ZNF536: variants seen among roughly 807,000 people sequenced by gnomAD.
ZNF536 encodes the protein zinc finger protein 536.
Under a neutral mutation model 84.5 loss-of-function variants are expected in ZNF536, and 13 were observed. The observed-to-expected ratio is 0.15, with a 90% CI of 0.10 to 0.24. ZNF536 has a LOEUF of 0.24. ZNF536 is among the 10% of genes least tolerant of loss of function. The pLI is 1.00. For missense variants in ZNF536, 1,536 were observed against 1,747.5 expected (o/e 0.88, Z 2.16); for synonymous variants, 811 against 742.5 (o/e 1.09, Z -1.50).
intron 2 of ZNF536, among the ~76,000 whole-genome samples, chr19:30,483,813 C>A (rs1235370428): frequency 1.3e-5 from 2 of 152,112 alleles, no homozygotes; most frequent in African/African-American, 2.4e-5. Flanking sequence ...CTCATGAGAA[C>A]CTTCAGGGTC....
At chr19:30,367,079 A>G (rs2048459007) in intron 3 of ZNF536, among the ~76,000 whole-genome samples, 1 of 152,230 alleles carries the variant, frequency 6.6e-6, no homozygotes, top group Admixed American at 6.5e-5. Flanking sequence ...TTTGGTTTCA[A>G]CTTCGACAAG....
At chr19:30,376,798 A>T (rs2048835619) in intron 1 of ZNF536, among the ~76,000 whole-genome samples, 1 of 152,096 alleles carries the variant, frequency 6.6e-6, no homozygotes, top group Non-Finnish European at 1.5e-5. Flanking sequence ...GACTCCCTTG[A>T]CTGCCGCCTG....
intron 1 of ZNF536, among the ~76,000 whole-genome samples, chr19:30,683,715 G>A (rs900791770): frequency 4.6e-5 from 7 of 152,154 alleles, no homozygotes; most frequent in African/African-American, 9.7e-5. Flanking sequence ...CCAAAGAAGC[G>A]TGTGGCCACA....
At chr19:30,609,722 C>T (rs1413236638) in intron 1 of ZNF536, among the ~76,000 whole-genome samples, 4 of 152,076 alleles carry the variant, frequency 2.6e-5, no homozygotes, top group Non-Finnish European at 5.9e-5. Flanking sequence ...ATTCATCCAT[C>T]CATCCATCCA....
At chr19:30,481,529 A>G (rs1599530203) in intron 2 of ZNF536, among the ~76,000 whole-genome samples, 2 of 152,326 alleles carry the variant, frequency 1.3e-5, no homozygotes, top group East Asian at 3.9e-4. Flanking sequence ...AAAATTTAGG[A>G]TACACATTGG....
intron 2 of ZNF536, among the ~76,000 whole-genome samples, chr19:30,285,744 C>T (rs1369053372): frequency 2.6e-5 from 4 of 152,264 alleles, no homozygotes; most frequent in South Asian, 2.1e-4. Flanking sequence ...CGATTGGTTG[C>T]GGGGCCCTCC....
intron 1 of ZNF536, among the ~76,000 whole-genome samples, chr19:30,652,621 A>G (rs2049751672): frequency 1.3e-5 from 2 of 152,156 alleles, no homozygotes; most frequent in Admixed American, 1.3e-4. Context: ...GAGCCCCGTC[A>G]TTCTGTAGGA....
chr19:30,315,478 C>G (rs117045070), intron 2 of ZNF536, among the ~76,000 whole-genome samples: 1 of 152,078 alleles, frequency 6.6e-6, no homozygotes, highest in Non-Finnish European at 1.5e-5. Context: ...CCCTCTGTAG[C>G]AGGGTCTGGT....
upstream of ZNF536, among the ~76,000 whole-genome samples, chr19:30,367,887 C>T (rs746654051): frequency 6.6e-6 from 1 of 152,228 alleles, no homozygotes; most frequent in Non-Finnish European, 1.5e-5. Context: ...AGTCCTTCCT[C>T]CTGCACCTTC....
intron 2 of ZNF536, among the ~76,000 whole-genome samples, chr19:30,298,716 G>A (rs1343035589): frequency 1.3e-5 from 2 of 152,230 alleles, no homozygotes; most frequent in African/African-American, 4.8e-5. Flanking sequence ...GTCTGGGAAG[G>A]AACCTGGGAA....
At chr19:30,245,984 G>A (rs766886773) in intron 1 of ZNF536, among the ~76,000 whole-genome samples, 11 of 152,324 alleles carry the variant, frequency 7.2e-5, no homozygotes, top group South Asian at 4.1e-4. Context: ...GTTGTTAGTC[G>A]CTCTGTGTTC....
intron 2 of ZNF536, among the ~76,000 whole-genome samples, chr19:30,296,596 C>T (rs2046003606): frequency 6.6e-6 from 1 of 152,176 alleles, no homozygotes; most frequent in South Asian, 2.1e-4. Context: ...CTGTGGCTGC[C>T]ATCTCTAACC....
intron 2 of ZNF536, among the ~76,000 whole-genome samples, chr19:30,495,116 G>C (rs548007220): frequency 5.3e-5 from 8 of 152,162 alleles, no homozygotes; most frequent in Non-Finnish European, 1.0e-4. Context: ...TGTGGTATTG[G>C]GACACCAAGT....
chr19:30,585,742 T>C (rs1427489959), intron 1 of ZNF536, among the ~76,000 whole-genome samples: 3 of 152,146 alleles, frequency 2.0e-5, no homozygotes, highest in African/African-American at 4.8e-5. Context: ...CCATCTCCCC[T>C]GATGACCTTC....
chr19:30,378,794 A>G (rs578066115), intron 1 of ZNF536, among the ~76,000 whole-genome samples: 2 of 152,270 alleles, frequency 1.3e-5, no homozygotes, highest in South Asian at 4.1e-4. Context: ...GTGCCCCTTA[A>G]CAAGGTGGGA....
intron 1 of ZNF536, among the ~76,000 whole-genome samples, chr19:30,659,534 G>A (rs1325093463): frequency 1.3e-5 from 2 of 149,008 alleles, no homozygotes; most frequent in Non-Finnish European, 3.0e-5. Context: ...AAGAAAAAGA[G>A]GTTTAAAGGA....
rs1213189924 is a variant in ZNF536 at position 30,417,162 on chromosome 19, T to TTTTTTA, written c.-2-26394_-2-26393insATTTTT. Among the ~76,000 whole-genome samples, 3 of 147,858 alleles carry TTTTTTA rather than the reference T, an allele frequency of 2.0e-5. No homozygotes were observed. In the East Asian group the frequency reaches 6.0e-4, roughly 30 times the overall value. ...CTAATTTTTGTATTTTTTTTTTTTT[T>TTTTTTA]TTTTTTTTTTTTTTAGTAGAAACAG... On this transcript the variant is annotated intron_variant, in intron 1 of 4. Transcript: ENST00000355537.
intron 1 of ZNF536, among the ~76,000 whole-genome samples, chr19:30,667,255 C>T (rs1234214519): frequency 6.6e-6 from 1 of 152,212 alleles, no homozygotes; most frequent in Non-Finnish European, 1.5e-5. Flanking sequence ...TTATCCCCAG[C>T]TTACAGAAGG....
intron 1 of ZNF536, among the ~76,000 whole-genome samples, chr19:30,588,979 G>T (rs2047187911): frequency 6.6e-6 from 1 of 152,198 alleles, no homozygotes; most frequent in African/African-American, 2.4e-5. Flanking sequence ...GTGAGGTGTG[G>T]CCAAAAGAAT....
Sources: allele counts gnomAD v4.1 joint callset (sites outside exome capture counted in the v4.1 genomes callset), GRCh38; gene constraint gnomAD v4.1.1; transcripts MANE v1.5; gene names NCBI Gene and HGNC (gene_info 2026-07-23, HGNC 2026-07-21).